The following SORCS3 variants were observed in gnomAD, a reference collection of about 807,000 sequenced individuals.
SORCS3 encodes the protein sortilin related VPS10 domain containing receptor 3.
Under a neutral mutation model 146.3 loss-of-function variants are expected in SORCS3, and 57 were observed. That is an observed-to-expected ratio of 0.39 (90% CI 0.31 to 0.49). The LOEUF is 0.49. Ranked by LOEUF, SORCS3 falls within the 20% of genes least tolerant of loss-of-function variation. The pLI is 0.92. For missense variants in SORCS3, 1,341 were observed against 1,575.5 expected (o/e 0.85, Z 2.52); for synonymous variants, 653 against 618.5 (o/e 1.06, Z -0.83).
chr10:105,144,292 C>G (rs1163461150), intron 8 of SORCS3, among the ~76,000 whole-genome samples: 1 of 152,104 alleles, frequency 6.6e-6, no homozygotes. Context: ...TATCATAGCA[C>G]TTAGTCAAAT....
At chr10:104,825,530 A>G (rs1005406894) in intron 1 of SORCS3, among the ~76,000 whole-genome samples, 1 of 152,192 alleles carries the variant, frequency 6.6e-6, no homozygotes, top group Non-Finnish European at 1.5e-5. Context: ...CTCTTCCATC[A>G]GCTCACATCC....
At position 105,178,063 on chromosome 10, in the gene SORCS3, C is replaced by T. The variant is rs762706258; in HGVS notation, c.1902-3C>T. ...CTTTTTTGTGTACTTGTTTCCAACA[C>T]AGGGTGAGTTTTGATGAGGGCCACT... On this transcript the variant is annotated splice_polypyrimidine_tract_variant and splice_region_variant and intron_variant, in intron 13 of 26. Coordinates refer to ENST00000369701, the MANE Select transcript of SORCS3 (RefSeq NM_014978.3). 6.2e-7 allele frequency: 1 copy of T among 1,608,930 alleles called. No homozygotes were observed. The highest frequency in any genetic ancestry group is 8.5e-7 in the Non-Finnish European group (1 of 1,176,032).
chr10:104,952,603 G>GAAA (rs2019444180), intron 3 of SORCS3, among the ~76,000 whole-genome samples: 1 of 152,174 alleles, frequency 6.6e-6, no homozygotes, highest in African/African-American at 2.4e-5. Flanking sequence ...AGGAACAAAT[G>GAAA]AAAGTTCTTC....
chr10:105,073,536 G>T (rs2055570846), intron 5 of SORCS3, among the ~76,000 whole-genome samples: 1 of 152,148 alleles, frequency 6.6e-6, no homozygotes. Context: ...GTTTTTGGCT[G>T]TGGGCTTGGG....
intron 5 of SORCS3, among the ~76,000 whole-genome samples, chr10:105,060,095 G>A (rs541693301): frequency 1.3e-5 from 2 of 152,154 alleles, no homozygotes; most frequent in East Asian, 1.9e-4. Context: ...CTGTGATAGA[G>A]GTGTCAGAGG....
At chr10:105,196,967 T>C (rs905406786) in intron 14 of SORCS3, among the ~76,000 whole-genome samples, 16 of 152,176 alleles carry the variant, frequency 1.1e-4, no homozygotes, top group African/African-American at 3.9e-4. Context: ...GCTTCTTCCA[T>C]CTTCCTGAAG....
chr10:104,670,010 T>C (rs1325122560), intron 1 of SORCS3, among the ~76,000 whole-genome samples: 2 of 152,136 alleles, frequency 1.3e-5, no homozygotes, highest in Admixed American at 6.5e-5. Flanking sequence ...TTATTAGTCA[T>C]TTGTATATCT....
intron 1 of SORCS3, among the ~76,000 whole-genome samples, chr10:104,658,215 G>A (rs556191135): frequency 3.9e-5 from 6 of 152,176 alleles, no homozygotes; most frequent in Non-Finnish European, 7.4e-5. Flanking sequence ...TTCCAAACCG[G>A]TTTGCAGTGG....
chr10:104,829,404 G>A lies in SORCS3; in HGVS notation c.628-13388G>A, dbSNP rs569227543. 5.9e-5 allele frequency among the ~76,000 whole-genome samples: 9 copies of A among 152,250 alleles called. No homozygotes were observed. The South Asian group carries it at 6.2e-4, about 11-fold the overall frequency. ...TCTGGAAGCATGAGAAGGAAGGAGAGCATCAGGTAGAGAACAGGAGAAGGG... is the reference window on the plus strand; with the variant it reads ...TCTGGAAGCATGAGAAGGAAGGAGAACATCAGGTAGAGAACAGGAGAAGGG... On this transcript the variant is annotated intron_variant, in intron 1 of 26. Coordinates refer to ENST00000369701, the MANE Select transcript of SORCS3 (RefSeq NM_014978.3).
intron 4 of SORCS3, among the ~76,000 whole-genome samples, chr10:105,015,973 C>G (rs1320398423): frequency 1.3e-5 from 2 of 151,254 alleles, no homozygotes; most frequent in African/African-American, 4.9e-5. Context: ...CGTGATCTGC[C>G]CCCCTCAGCC....
Position 104,852,106 on chromosome 10 carries a change from CTAT to C in SORCS3, c.695+9252_695+9254del, listed in dbSNP as rs1191839830. On this transcript the variant is annotated intron_variant, in intron 2 of 26. Transcript: ENST00000369701. ...TTGTAAAAGATTCCCCCCTTCACTG[CTAT>C]TATTCTCTTAAACTTGTATACTATT... Among the ~76,000 whole-genome samples the C allele has an allele frequency of 2.6e-5, 4 of 152,306 alleles. No individual in the cohort carries two copies. The South Asian group carries it at 8.3e-4, about 32-fold the overall frequency.
intron 1 of SORCS3, among the ~76,000 whole-genome samples, chr10:104,842,553 A>G (rs2018153391): frequency 6.6e-6 from 1 of 152,214 alleles, no homozygotes; most frequent in Non-Finnish European, 1.5e-5. Context: ...GGCATGTTTT[A>G]TTTCAAATGC....
At chr10:105,165,922 C>T (rs2056309119) in intron 12 of SORCS3, among the ~76,000 whole-genome samples, 2 of 152,112 alleles carry the variant, frequency 1.3e-5, no homozygotes. Context: ...ATAACTTCTC[C>T]CTCCTCCCCA....
chr10:105,229,876 G>A (rs1439074070), intron 20 of SORCS3, among the ~76,000 whole-genome samples: 2 of 152,186 alleles, frequency 1.3e-5, no homozygotes, highest in Non-Finnish European at 1.5e-5. Context: ...CACCAGGTGG[G>A]TGAGTGGGTT....
chr10:105,187,010 A>C (rs1374008443), intron 14 of SORCS3, among the ~76,000 whole-genome samples: 1 of 152,094 alleles, frequency 6.6e-6, no homozygotes, highest in Non-Finnish European at 1.5e-5. Context: ...TATCTTCTAC[A>C]GGTTCACAGA....
intron 2 of SORCS3, among the ~76,000 whole-genome samples, chr10:104,887,971 G>GGGCTGC (rs145157471): frequency 1.2e-5 from 1 of 83,116 alleles, no homozygotes; most frequent in African/African-American, 5.5e-5. Flanking sequence ...GGGGGGCGGG[G>GGGCTGC]GCGGAGCAAG....
chr10:105,101,517 T>C (rs1482982819), intron 6 of SORCS3, among the ~76,000 whole-genome samples: 1 of 152,230 alleles, frequency 6.6e-6, no homozygotes, highest in Non-Finnish European at 1.5e-5. Context: ...TTTCAAAAAC[T>C]CATTTCAGTG....
At chr10:105,011,351 C>T (rs2055135369) in intron 4 of SORCS3, among the ~76,000 whole-genome samples, 1 of 152,134 alleles carries the variant, frequency 6.6e-6, no homozygotes, top group Non-Finnish European at 1.5e-5. Context: ...TCTCCTTCCT[C>T]CTCTGACCCC....
At chr10:105,172,903 C>T (rs1348684807) in intron 13 of SORCS3, among the ~76,000 whole-genome samples, 2 of 152,078 alleles carry the variant, frequency 1.3e-5, no homozygotes, top group Non-Finnish European at 2.9e-5. Context: ...ACTCCAGTTT[C>T]TTTCCAGCTT....
Sources: gnomAD v4.1 joint callset for allele counts (sites outside exome capture counted in the v4.1 genomes callset) on GRCh38, gnomAD v4.1.1 for gene constraint, MANE v1.5 for transcripts, NCBI Gene and HGNC (gene_info 2026-07-23, HGNC 2026-07-21) for gene names.